The following CDH13 variants were observed in gnomAD, a reference collection of about 807,000 sequenced individuals.
The protein encoded by CDH13 is cadherin 13, also known as cadherin-13.
In CDH13, 24 loss-of-function variants were observed where a neutral mutation model predicts 63.8. The ratio of observed to expected loss-of-function variants is 0.38; its 90% CI spans 0.27 to 0.53. CDH13 has a LOEUF of 0.53. Ranked by LOEUF, CDH13 falls within the 20% of genes least tolerant of loss-of-function variation. The pLI, the probability that CDH13 is intolerant of heterozygous loss-of-function variation, is 0.85. For missense variants in CDH13, 1,049 were observed against 903.1 expected, an observed-to-expected ratio of 1.16 and a Z score of -2.07; for synonymous variants, 503 against 355.3, an observed-to-expected ratio of 1.42 and a Z score of -4.67.
chr16:83,188,499 C>G (rs1375417911), intron 4 of CDH13, among the ~76,000 whole-genome samples: 1 of 152,146 alleles, frequency 6.6e-6, no homozygotes, highest in Non-Finnish European at 1.5e-5. Context: ...GCCAGCCTCG[C>G]TGCCCATCTC....
intron 10 of CDH13, among the ~76,000 whole-genome samples, chr16:83,735,000 CAAAAA>C (rs34189850): frequency 7.0e-6 from 1 of 143,414 alleles, no homozygotes; most frequent in African/African-American, 2.5e-5. Context: ...TGTGGTTATT[CAAAAA>C]AAAAAAAACA....
At chr16:83,384,983 C>A (rs1000348419) in intron 6 of CDH13, among the ~76,000 whole-genome samples, 1 of 152,198 alleles carries the variant, frequency 6.6e-6, no homozygotes, top group African/African-American at 2.4e-5. Flanking sequence ...AATAAGCTCT[C>A]CTGGCCCTCT....
chr16:82,667,527 T>C (rs1912737035), intron 1 of CDH13, among the ~76,000 whole-genome samples: 1 of 152,176 alleles, frequency 6.6e-6, no homozygotes, highest in African/African-American at 2.4e-5. Context: ...TGTGCATGTA[T>C]GATGGGGCTC....
At chr16:82,802,170 G>T (rs985466533) in intron 1 of CDH13, among the ~76,000 whole-genome samples, 1 of 152,154 alleles carries the variant, frequency 6.6e-6, no homozygotes, top group Non-Finnish European at 1.5e-5. Flanking sequence ...CTTTCCACCT[G>T]CCAAGAGAGG....
intron 4 of CDH13, among the ~76,000 whole-genome samples, chr16:83,213,422 C>T (rs2039395920): frequency 6.6e-6 from 1 of 152,150 alleles, no homozygotes; most frequent in Non-Finnish European, 1.5e-5. Flanking sequence ...CCACCCCCTC[C>T]TTGTTTCTTC....
chr16:83,662,626 A>G (rs183692041), intron 8 of CDH13, among the ~76,000 whole-genome samples: 2 of 152,264 alleles, frequency 1.3e-5, no homozygotes, highest in Admixed American at 6.5e-5. Flanking sequence ...GTATTATCCT[A>G]TTGTACATGC....
chr16:82,945,940 ATTC>A (rs1163803485), intron 2 of CDH13, among the ~76,000 whole-genome samples: 1 of 152,074 alleles, frequency 6.6e-6, no homozygotes, highest in African/African-American at 2.4e-5. Context: ...TCCTCTGTGA[ATTC>A]TTCTACGACT....
chr16:83,356,122 C>T (rs898734822), intron 6 of CDH13, among the ~76,000 whole-genome samples: 5 of 152,056 alleles, frequency 3.3e-5, no homozygotes, highest in Non-Finnish European at 5.9e-5. Flanking sequence ...AACTATTTCA[C>T]CCGTGATGAT....
chr16:83,180,054 T>A (rs1449494848), intron 4 of CDH13, among the ~76,000 whole-genome samples: 1 of 152,176 alleles, frequency 6.6e-6, no homozygotes, highest in Non-Finnish European at 1.5e-5. Context: ...TAAACTTTGT[T>A]TTACTTAGAA....
intron 2 of CDH13, among the ~76,000 whole-genome samples, chr16:82,955,124 C>T (rs947589275): frequency 3.3e-5 from 5 of 152,146 alleles, no homozygotes; most frequent in African/African-American, 4.8e-5. Flanking sequence ...TGGATATGCA[C>T]CTACCTAGGA....
intron 3 of CDH13, among the ~76,000 whole-genome samples, chr16:83,063,219 C>T (rs2031727418): frequency 2.0e-5 from 3 of 152,132 alleles, no homozygotes; most frequent in Admixed American, 1.3e-4. Context: ...ACCTCAGCCT[C>T]CCAAAGTGCT....
chr16:82,777,168 T>C (rs2035538119), intron 1 of CDH13, among the ~76,000 whole-genome samples: 1 of 152,198 alleles, frequency 6.6e-6, no homozygotes, highest in African/African-American at 2.4e-5. Flanking sequence ...AGCATTTCAC[T>C]GTGTTACCCA....
In CDH13 at chr16:83,689,466, C is replaced by T. The variant is rs189850954; in HGVS notation, c.1538+11005C>T. On this transcript the variant is annotated intron_variant, in intron 10 of 13. Transcript: ENST00000567109. ...ACTAACACCAGTCAGCCAGCAAGCA[C>T]GAGGAGCTTATCATGGCATTAACCC... 8.9e-4 allele frequency among the ~76,000 whole-genome samples: 136 copies of T among 152,266 alleles called. 1 individual carries two copies. The highest frequency in any genetic ancestry group is 2.9e-3 in the African/African-American group (120 of 41,556).
In CDH13 at chr16:83,330,470, C is replaced by T. The variant is rs147932413; in HGVS notation, c.637-14392C>T. Reference sequence around the variant, plus strand: ...GCAAGAGGAGACCCATCTAGAAGGGCAAAGAATTCTTGGCATTGTTCCGAA... The same window carrying T: ...GCAAGAGGAGACCCATCTAGAAGGGTAAAGAATTCTTGGCATTGTTCCGAA... On this transcript the variant is annotated intron_variant, in intron 5 of 13. Transcript: ENST00000567109. 2.2e-3 allele frequency among the ~76,000 whole-genome samples: 340 copies of T among 152,252 alleles called. 2 individuals are homozygous for T. Among genetic ancestry groups the T allele is most frequent in the Admixed American group, 4.1e-3 (62 of 15,290 alleles).
chr16:82,901,316 G>T (rs1427117275), intron 2 of CDH13, among the ~76,000 whole-genome samples: 1 of 141,568 alleles, frequency 7.1e-6, no homozygotes, highest in Non-Finnish European at 1.5e-5. Context: ...GGAATAGATA[G>T]TATTCTCCTG....
chr16:83,705,811 G>C (rs909479732), intron 10 of CDH13, among the ~76,000 whole-genome samples: 1 of 152,122 alleles, frequency 6.6e-6, no homozygotes, highest in Non-Finnish European at 1.5e-5. Context: ...GGGAATGTTG[G>C]GTCAAGTGAT....
chr16:83,474,053 C>G (rs1001862169), intron 6 of CDH13, among the ~76,000 whole-genome samples: 1 of 152,162 alleles, frequency 6.6e-6, no homozygotes, highest in African/African-American at 2.4e-5. Context: ...CATACTCAGC[C>G]ACTTGCCAGT....
At chr16:82,790,963 C>A (rs1393470194) in intron 1 of CDH13, among the ~76,000 whole-genome samples, 2 of 152,194 alleles carry the variant, frequency 1.3e-5, no homozygotes, top group Non-Finnish European at 2.9e-5. Context: ...GCCAGCTGTG[C>A]CTGGTGGCTC....
At chr16:83,648,289 G>C (rs1198575895) in intron 8 of CDH13, among the ~76,000 whole-genome samples, 1 of 152,168 alleles carries the variant, frequency 6.6e-6, no homozygotes, top group Admixed American at 6.5e-5. Context: ...TCTCGAGGCA[G>C]AACAACTCCC....
Sources: gnomAD v4.1 joint callset for allele counts (sites outside exome capture counted in the v4.1 genomes callset) on GRCh38, gnomAD v4.1.1 for gene constraint, MANE v1.5 for transcripts, NCBI Gene and HGNC (gene_info 2026-07-23, HGNC 2026-07-21) for gene names.